The following TTC23L variants were observed in gnomAD, a reference collection of about 807,000 sequenced individuals.
TTC23L encodes the protein tetratricopeptide repeat protein 23-like.
Under a neutral mutation model 48.1 loss-of-function variants are expected in TTC23L, and 42 were observed. The observed-to-expected ratio is 0.87, with a 90% CI of 0.68 to 1.13. The LOEUF is 1.13. Ranked by LOEUF, TTC23L falls within the 50% of genes most tolerant of loss-of-function variation. The pLI is 0.00. For synonymous variants in TTC23L, 159 were observed against 157.2 expected, an observed-to-expected ratio of 1.01 and a Z score of -0.09; for missense variants, 391 against 421.0, an observed-to-expected ratio of 0.93 and a Z score of 0.62.
chr5:34,899,171 G>A lies in TTC23L; in HGVS notation c.*98-219G>A, dbSNP rs151333702. On this transcript the variant is annotated intron_variant, in intron 10 of 10. Transcript: ENST00000505624. ...TCCCTGCTGTTTAGGAAGAAAACCC[G>A]AGACTCTAGTAAGATTTTAGAGGCC... Among the ~76,000 whole-genome samples, 282 of 152,254 alleles carry A rather than the reference G, an allele frequency of 1.9e-3. 1 individual carries two copies. Among genetic ancestry groups the A allele is most frequent in the Admixed American group, 7.5e-3 (114 of 15,290 alleles).
intron 1 of TTC23L, among the ~76,000 whole-genome samples, chr5:34,840,259 A>C: frequency 6.7e-6 from 1 of 149,030 alleles, no homozygotes; most frequent in African/African-American, 2.5e-5. Context: ...GGAAAGCAGA[A>C]TTAACCAATA....
At chr5:34,848,433 G>A (rs1014131210) in intron 3 of TTC23L, among the ~76,000 whole-genome samples, 2 of 152,138 alleles carry the variant, frequency 1.3e-5, no homozygotes, top group African/African-American at 2.4e-5. Flanking sequence ...AGATAACAGC[G>A]AACATGAGGA....
the TTC23L span, chr5:34,908,898 C>G: frequency 2.5e-6 from 4 of 1,611,798 alleles, no homozygotes; most frequent in Admixed American, 1.7e-5. Flanking sequence ...AGATACCTTA[C>G]AAGATAGGAC....
intron 10 of TTC23L, 91 bp downstream of exon 10, chr5:34,896,966 G>A (rs970279596): frequency 1.1e-5 from 6 of 543,842 alleles, no homozygotes; most frequent in African/African-American, 9.4e-5. Context: ...CAGTTCTCTG[G>A]GGGAGGAAGA....
chr5:34,875,334 G>C (rs1761756808), intron 8 of TTC23L, among the ~76,000 whole-genome samples: 1 of 152,004 alleles, frequency 6.6e-6, no homozygotes, highest in African/African-American at 2.4e-5. Flanking sequence ...ATATATAAAG[G>C]GGAGTTTATT....
intron 8 of TTC23L, among the ~76,000 whole-genome samples, chr5:34,877,917 G>A (rs79150259): frequency 0.048 from 7,298 of 152,196 alleles, 246 homozygotes; most frequent in South Asian, 0.1. Context: ...AGATGACATC[G>A]TCTGATTAGA....
downstream of TTC23L, among the ~76,000 whole-genome samples, chr5:34,900,077 C>T (rs1763463568): frequency 6.6e-6 from 1 of 152,076 alleles, no homozygotes; most frequent in Non-Finnish European, 1.5e-5. Flanking sequence ...TCTGCGATAC[C>T]TAAGGAGTTT....
the TTC23L span, among the ~76,000 whole-genome samples, chr5:34,911,360 T>G: frequency 1.2e-3 from 180 of 152,284 alleles, no homozygotes; most frequent in African/African-American, 4.2e-3. Context: ...ACCACCTAAA[T>G]ATGAAATAGT....
At chr5:34,886,582 T>C (rs1351236139) in intron 9 of TTC23L, among the ~76,000 whole-genome samples, 1 of 152,174 alleles carries the variant, frequency 6.6e-6, no homozygotes, top group African/African-American at 2.4e-5. Context: ...CATTTTCCCC[T>C]GGGCTTGTAA....
intron 4 of TTC23L, among the ~76,000 whole-genome samples, chr5:34,853,753 G>A (rs937761336): frequency 6.6e-6 from 1 of 152,190 alleles, no homozygotes; most frequent in Non-Finnish European, 1.5e-5. Context: ...GCTGAGGAGA[G>A]ACCCATGGAT....
At chr5:34,870,808 A>T (rs570790786) in intron 8 of TTC23L, among the ~76,000 whole-genome samples, 10 of 152,278 alleles carry the variant, frequency 6.6e-5, no homozygotes, top group African/African-American at 2.4e-4. Context: ...TTTCTTAAGG[A>T]TGTCACACTG....
intron 4 of TTC23L, among the ~76,000 whole-genome samples, chr5:34,856,646 GAA>G (rs1212913644): frequency 6.6e-6 from 1 of 152,224 alleles, no homozygotes; most frequent in Non-Finnish European, 1.5e-5. Context: ...GGAAGAAACA[GAA>G]AGATTTGGAA....
chr5:34,854,997 A>G (rs1420292443), intron 4 of TTC23L, among the ~76,000 whole-genome samples: 1 of 152,108 alleles, frequency 6.6e-6, no homozygotes, highest in African/African-American at 2.4e-5. Context: ...GGTTGTAAAG[A>G]AGGAGTAGGG....
exon 7 of TTC23L, chr5:34,866,901 G>T: frequency 6.3e-7 from 1 of 1,595,890 alleles, no homozygotes; most frequent in South Asian, 1.1e-5. Flanking sequence ...GAGCCTCCTT[G>T]GCCATCCACA....
chr5:34,858,725 T>TA (rs1416788376), intron 4 of TTC23L, among the ~76,000 whole-genome samples: 2 of 152,214 alleles, frequency 1.3e-5, no homozygotes, highest in Non-Finnish European at 2.9e-5. Context: ...CTCACACTCT[T>TA]ACGGCATCTT....
chr5:34,875,908 C>G (rs1179563072), intron 8 of TTC23L, among the ~76,000 whole-genome samples: 1 of 152,082 alleles, frequency 6.6e-6, no homozygotes, highest in Non-Finnish European at 1.5e-5. Flanking sequence ...CACACCCTAA[C>G]AAATTTAAAA....
At chr5:34,924,545 T>C in the TTC23L span, among the ~76,000 whole-genome samples, 1 of 152,226 alleles carries the variant, frequency 6.6e-6, no homozygotes, top group Admixed American at 6.5e-5. Flanking sequence ...GGTTACTGTT[T>C]TAAAATCCTG....
the TTC23L span, chr5:34,922,381 G>T: frequency 1.1e-5 from 10 of 950,606 alleles, no homozygotes; most frequent in Non-Finnish European, 1.6e-5. Context: ...TTCATGTTAA[G>T]GGTTGAGAAT....
chr5:34,917,588 C>T, the TTC23L span, among the ~76,000 whole-genome samples: 1 of 151,854 alleles, frequency 6.6e-6, no homozygotes, highest in Non-Finnish European at 1.5e-5. Flanking sequence ...TGCAGTGAGC[C>T]GAGATCGCGC....
Sources: gnomAD v4.1 joint callset for allele counts (sites outside exome capture counted in the v4.1 genomes callset) on GRCh38, gnomAD v4.1.1 for gene constraint, MANE v1.5 for transcripts, NCBI Gene and HGNC (gene_info 2026-07-23, HGNC 2026-07-21) for gene names.